The following MACO1 variants were observed in gnomAD, a reference collection of about 807,000 sequenced individuals.
MACO1 encodes macoilin.
MACO1 carries 14 observed loss-of-function variants against 78.7 expected under a neutral mutation model. The observed-to-expected ratio is 0.18, with a 90% CI of 0.12 to 0.28. The LOEUF is 0.28. MACO1 is among the 10% of genes least tolerant of loss of function. The pLI, the probability that MACO1 is intolerant of heterozygous loss-of-function variation, is 1.00. For synonymous variants in MACO1, 288 were observed against 291.6 expected (o/e 0.99, Z 0.12); for missense variants, 501 against 799.0 (o/e 0.63, Z 4.50).
chr1:25,489,172 G>A lies in MACO1; in HGVS notation c.1497-1G>A, dbSNP rs2043462165. The A allele has an allele frequency of 6.2e-7, 1 of 1,612,986 alleles. No individual in the cohort carries two copies. The highest frequency in any genetic ancestry group is 1.7e-5 in the Admixed American group (1 of 59,882). On this transcript the variant is annotated splice_acceptor_variant, in intron 8 of 10. Transcript: ENST00000374343. LOFTEE classifies it high-confidence loss of function. ...TATTTCCTTCTCTTCTTTTTCAAAA[G>A]GGGAGAATGCACCGAAACCTTACGG... is the stretch of plus-strand genomic sequence containing the variant.
At chr1:25,439,631 TC>T (rs2042950757) in intron 1 of MACO1, among the ~76,000 whole-genome samples, 1 of 151,988 alleles carries the variant, frequency 6.6e-6, no homozygotes, top group Non-Finnish European at 1.5e-5. Context: ...CAGCAGTGGT[TC>T]CAGTTTATTT....
Position 25,485,334 on chromosome 1 carries a change from T to C in MACO1, c.1314-279T>C, listed in dbSNP as rs2043419887. On this transcript the variant is annotated intron_variant, in intron 7 of 10. Transcript: ENST00000374343. This position sits in a 1 kb window ranked among gnomAD's most constrained non-coding sequence, Gnocchi z 4.3. ...TCTTCCCCTCTGTTCAAAATTTGTT[T>C]TACCCTGTTTTCTGGATGACCTTTT... Among the ~76,000 whole-genome samples, 1 of 152,224 alleles carries C rather than the reference T, an allele frequency of 6.6e-6. No homozygotes were observed. The highest frequency in any genetic ancestry group is 1.5e-5 in the Non-Finnish European group (1 of 68,044).
chr1:25,498,557 A>G lies in MACO1; in HGVS notation c.*91A>G, dbSNP rs942333294. The G allele has an allele frequency of 3.0e-5, 38 of 1,254,290 alleles. No homozygotes were observed. Among genetic ancestry groups the G allele is most frequent in the African/African-American group, 1.8e-4 (12 of 66,348 alleles). The allele number at this position is 1,254,290 out of a possible 1,614,324, so 77.7% of individuals were successfully genotyped here. A position where few individuals can be genotyped will look rare whatever the true frequency, so the allele number is the denominator to read the frequency against. On this transcript the variant is annotated 3_prime_UTR_variant, in exon 11 of 11. Coordinates refer to ENST00000374343, the MANE Select transcript of MACO1 (RefSeq NM_018202.6). Reference sequence around the variant, plus strand: ...CAGTCAAGATAAAAAAACAGTTTCTATTGTATTTTGTGGAACTGTATCTGT... The same window carrying G: ...CAGTCAAGATAAAAAAACAGTTTCTGTTGTATTTTGTGGAACTGTATCTGT...
intron 6 of MACO1, among the ~76,000 whole-genome samples, chr1:25,463,991 C>T (rs2043193653): frequency 6.6e-6 from 1 of 151,700 alleles, no homozygotes. Context: ...ACAGACGAAC[C>T]TCCATTGACA....
chr1:25,485,829 G>A lies in MACO1; in HGVS notation c.1496+34G>A. Reference sequence around the variant, plus strand: ...ATGTCACCTGAGTGTTTAATCCAAGGTTGGCTTTCCTTTACCAACAAAGAC... The same window carrying A: ...ATGTCACCTGAGTGTTTAATCCAAGATTGGCTTTCCTTTACCAACAAAGAC... On this transcript the variant is annotated intron_variant, in intron 8 of 10. Transcript: ENST00000374343. The surrounding 1 kb of genome is among the most constrained non-coding windows in gnomAD (Gnocchi z 4.3). 6.3e-7 allele frequency: 1 copy of A among 1,579,596 alleles called. No individual in the cohort carries two copies. The highest frequency in any genetic ancestry group is 1.2e-5 in the South Asian group (1 of 85,344).
chr1:25,452,701 T>G (rs1209533459), intron 3 of MACO1, among the ~76,000 whole-genome samples: 4 of 150,866 alleles, frequency 2.7e-5, no homozygotes, highest in Non-Finnish European at 4.4e-5. Context: ...GTGAATTGTT[T>G]TTTTTTTTTT....
At chr1:25,498,140 T>TCTTATAAATCACTGAACCTGGAGC in intron 10 of MACO1, 124 bp from the exon 11 acceptor site, 1 of 908,924 alleles carries the variant, frequency 1.1e-6, no homozygotes, top group South Asian at 1.6e-5. Context: ...GTTTGCCTGC[T>TCTTATAAATCACTGAACCTGGAGC]CTTATAAATC....
intron 3 of MACO1, among the ~76,000 whole-genome samples, chr1:25,451,053 T>TA (rs1485500776): frequency 7.0e-6 from 1 of 142,138 alleles, no homozygotes; most frequent in Non-Finnish European, 1.5e-5. Context: ...GCAGTGTAGC[T>TA]AATGTCATAA....
In MACO1 at chr1:25,430,979, T is replaced by C. The variant is rs1435471012; in HGVS notation, c.-120T>C. 11 of 357,928 alleles carry C rather than the reference T, an allele frequency of 3.1e-5. No homozygotes were observed. The East Asian group carries it at 4.6e-4, about 15-fold the overall frequency. 22.2% of individuals were successfully genotyped at this position (357,928 alleles called of 1,614,324 possible). A position where few individuals can be genotyped will look rare whatever the true frequency, so the allele number is the denominator to read the frequency against. On this transcript the variant is annotated 5_prime_UTR_variant, in exon 1 of 11. The change abolishes an upstream ATG in the 5' untranslated region. Transcript: ENST00000374343. ...CCCCTCCCCCCGGGTGCTGGCTCCA[T>C]GTCTGTGTGACCGGCCTCAGGGGTA...
At chr1:25,435,718 A>T (rs1187938741) in intron 1 of MACO1, among the ~76,000 whole-genome samples, 1 of 152,238 alleles carries the variant, frequency 6.6e-6, no homozygotes, top group Non-Finnish European at 1.5e-5. Flanking sequence ...TAACTTTAAC[A>T]ATCCTGGACC....
chr1:25,470,634 G>GC (rs1446809857), intron 6 of MACO1, among the ~76,000 whole-genome samples: 1 of 152,178 alleles, frequency 6.6e-6, no homozygotes, highest in Non-Finnish European at 1.5e-5. Flanking sequence ...AAAGGTGCAA[G>GC]CCCATCTTAA....
At chr1:25,459,240 T>C (rs2043150565) in intron 6 of MACO1, among the ~76,000 whole-genome samples, 1 of 151,600 alleles carries the variant, frequency 6.6e-6, no homozygotes, top group South Asian at 2.1e-4. Flanking sequence ...GAAGAGTTTG[T>C]GCTTGTTCAC....
chr1:25,472,387 C>T (rs996266781), intron 6 of MACO1, among the ~76,000 whole-genome samples: 1 of 151,798 alleles, frequency 6.6e-6, no homozygotes, highest in African/African-American at 2.4e-5. Flanking sequence ...TCAACAGGCC[C>T]CGGTGTGTGA....
rs1356397058 is a variant in MACO1, at chr1:25,439,393, C to G, written c.81-7369C>G. On this transcript the variant is annotated intron_variant, in intron 1 of 10. Transcript: ENST00000374343. Reference sequence around the variant, plus strand: ...CCTAGGAGACAGAGTAAGACTCTGTCTCTGAAAAAAATAAACAAACAAAAA... The same window carrying G: ...CCTAGGAGACAGAGTAAGACTCTGTGTCTGAAAAAAATAAACAAACAAAAA... Among the ~76,000 whole-genome samples, 3 of 122,692 alleles carry G rather than the reference C, an allele frequency of 2.4e-5. No individual in the cohort carries two copies. The East Asian group carries it at 6.3e-4, about 26-fold the overall frequency. The allele number at this position is 122,692 out of a possible 152,430, so 80.5% of individuals were successfully genotyped here.
At chr1:25,464,327 CTTTT>C (rs1056343879) in intron 6 of MACO1, among the ~76,000 whole-genome samples, 1 of 135,220 alleles carries the variant, frequency 7.4e-6, no homozygotes, top group African/African-American at 2.7e-5. Context: ...TCTATAATTT[CTTTT>C]TCTTCTCTTT....
chr1:25,483,844 G>A (rs1043995536), intron 6 of MACO1, among the ~76,000 whole-genome samples: 14 of 152,104 alleles, frequency 9.2e-5, no homozygotes, highest in African/African-American at 2.7e-4. Context: ...TCAGCAGCTC[G>A]GATGGATATT....
intron 1 of MACO1, among the ~76,000 whole-genome samples, chr1:25,441,463 G>A (rs977940895): frequency 6.6e-6 from 1 of 152,150 alleles, no homozygotes; most frequent in Non-Finnish European, 1.5e-5. Context: ...GGGATTATAG[G>A]CGTGAGCCAC....
At chr1:25,456,401 C>T (rs748663540) in intron 4 of MACO1, among the ~76,000 whole-genome samples, 3 of 152,138 alleles carry the variant, frequency 2.0e-5, no homozygotes, top group Non-Finnish European at 2.9e-5. Context: ...AGAATGCCAA[C>T]GTCTAATGGG....
At position 25,485,618 on chromosome 1, in the gene MACO1, A is replaced by C. The variant is rs1186286453; in HGVS notation, c.1319A>C (p.His440Pro). ...TGACAATCATTTCCATATAGGTTACATAATGCTGTGCAAATGAAGCAAAAA... is the reference window on the plus strand; with the variant it reads ...TGACAATCATTTCCATATAGGTTACCTAATGCTGTGCAAATGAAGCAAAAA... ...QENELLQNKL[H>P]NAVQMKQKDK... is the part of the protein sequence containing the mutation. Residue 440 changes from histidine to proline, a missense_variant, in exon 8 of 11, where the codon CAT (histidine) becomes CCT (proline). This residue lies in a region of MACO1 where 163 missense variants were observed against 271.9 expected (regional missense o/e 0.60). Coordinates refer to ENST00000374343, the MANE Select transcript of MACO1 (RefSeq NM_018202.6). The surrounding 1 kb of genome is among the most constrained non-coding windows in gnomAD (Gnocchi z 4.3). 1 of 1,613,588 alleles carries C rather than the reference A, an allele frequency of 6.2e-7. No homozygotes were observed.
Sources: allele counts gnomAD v4.1 joint callset (sites outside exome capture counted in the v4.1 genomes callset), GRCh38; gene constraint gnomAD v4.1.1; regional missense constraint gnomAD v4.1.1; non-coding constraint Gnocchi (gnomAD v3.1); transcripts MANE v1.5; gene names NCBI Gene and HGNC (gene_info 2026-07-23, HGNC 2026-07-21).